FHIT: variants seen among roughly 807,000 people sequenced by gnomAD.
FHIT encodes the protein bis(5'-adenosyl)-triphosphatase.
In FHIT, 19 loss-of-function variants were observed where a neutral mutation model predicts 17.9. The observed-to-expected ratio is 1.06, with a 90% CI of 0.74 to 1.56. The LOEUF is 1.56. Ranked by LOEUF, FHIT falls within the 40% of genes most tolerant of loss-of-function variation. The probability of loss-of-function intolerance (pLI) is 0.00; values close to 1 mark genes in which losing one functional copy is unlikely to be tolerated. For synonymous variants in FHIT, 81 were observed against 69.7 expected, an observed-to-expected ratio of 1.16 and a Z score of -0.81; for missense variants, 248 against 189.2, an observed-to-expected ratio of 1.31 and a Z score of -1.82.
chr3:60,782,919 G>A (rs1031763653), intron 4 of FHIT, among the ~76,000 whole-genome samples: 10 of 152,174 alleles, frequency 6.6e-5, no homozygotes, highest in African/African-American at 1.7e-4. Flanking sequence ...CATTCATGAC[G>A]GCTCTGTCCT....
chr3:60,661,802 A>G (rs2040253697), intron 4 of FHIT, among the ~76,000 whole-genome samples: 1 of 152,174 alleles, frequency 6.6e-6, no homozygotes, highest in Admixed American at 6.5e-5. Context: ...CCTAATAATT[A>G]GTGATGTCAA....
At chr3:60,769,858 G>A (rs1401453747) in intron 4 of FHIT, among the ~76,000 whole-genome samples, 1 of 152,212 alleles carries the variant, frequency 6.6e-6, no homozygotes, top group Non-Finnish European at 1.5e-5. Context: ...AAATATAGAA[G>A]TATGGCCTTT....
In FHIT at chr3:60,182,457, G is replaced by C. The variant is rs143042955; in HGVS notation, c.104-168305C>G. Among the ~76,000 whole-genome samples the C allele has an allele frequency of 3.2e-3, 482 of 152,182 alleles. 1 individual carries two copies. Among genetic ancestry groups the C allele is most frequent in the African/African-American group, 0.011 (464 of 41,526 alleles). On this transcript the variant is annotated intron_variant, in intron 5 of 9. Transcript: ENST00000492590. The stretch of plus-strand genomic sequence containing the variant: ...GCATCTAGTCACTAGGCAAAATCTT[G>C]GTTAGTTTCCTTTCATTTTAAATTT...
chr3:60,720,336 C>A (rs2041781493), intron 4 of FHIT, among the ~76,000 whole-genome samples: 1 of 152,166 alleles, frequency 6.6e-6, no homozygotes, highest in African/African-American at 2.4e-5. Flanking sequence ...AGCAGCCAAA[C>A]ACACTGCCTG....
intron 3 of FHIT, among the ~76,000 whole-genome samples, chr3:60,936,866 G>T (rs930163266): frequency 2.0e-5 from 3 of 152,146 alleles, no homozygotes; most frequent in African/African-American, 7.2e-5. Flanking sequence ...AAAAGGAAAG[G>T]TTATTTTTCT....
At chr3:59,830,060 A>T (rs187274055) in intron 8 of FHIT, among the ~76,000 whole-genome samples, 87 of 152,246 alleles carry the variant, frequency 5.7e-4, no homozygotes, top group African/African-American at 2.0e-3. Flanking sequence ...TGGGTGACAG[A>T]GACCCTGTCT....
At chr3:59,860,628 C>T (rs1373827949) in intron 8 of FHIT, among the ~76,000 whole-genome samples, 1 of 152,158 alleles carries the variant, frequency 6.6e-6, no homozygotes, top group Non-Finnish European at 1.5e-5. Flanking sequence ...GACTGGAGAA[C>T]AGGTGCTTGG....
At chr3:59,821,383 C>G (rs778892865) in intron 8 of FHIT, among the ~76,000 whole-genome samples, 2 of 152,184 alleles carry the variant, frequency 1.3e-5, no homozygotes, top group Non-Finnish European at 2.9e-5. Flanking sequence ...TTTGGTGCCT[C>G]TTGTCAGTGT....
chr3:60,404,937 G>A (rs1192849681), intron 5 of FHIT, among the ~76,000 whole-genome samples: 1 of 152,170 alleles, frequency 6.6e-6, no homozygotes, highest in Non-Finnish European at 1.5e-5. Context: ...AAAGAAGGAT[G>A]TCCAGGTTGC....
intron 5 of FHIT, among the ~76,000 whole-genome samples, chr3:60,314,761 A>T (rs1191752164): frequency 1.3e-5 from 2 of 152,074 alleles, no homozygotes; most frequent in Non-Finnish European, 2.9e-5. Context: ...TCCCTGAGTA[A>T]GGTGGGGCCA....
chr3:59,901,591 T>G (rs7645600), intron 8 of FHIT, among the ~76,000 whole-genome samples: 8,905 of 152,234 alleles, frequency 0.058, 606 homozygotes, highest in African/African-American at 0.17. Flanking sequence ...TTCATGCTTA[T>G]TGCTTATTCG....
chr3:59,830,151 A>G (rs898821351), intron 8 of FHIT, among the ~76,000 whole-genome samples: 1 of 152,220 alleles, frequency 6.6e-6, no homozygotes, highest in Non-Finnish European at 1.5e-5. Context: ...CTGGGAAGAT[A>G]TTACCAAGAA....
chr3:59,841,205 C>G (rs1475525672), intron 8 of FHIT, among the ~76,000 whole-genome samples: 4 of 152,122 alleles, frequency 2.6e-5, no homozygotes, highest in Admixed American at 6.6e-5. Flanking sequence ...AAGATCACAG[C>G]TGTATGCTAA....
chr3:60,144,087 T>C (rs914818519), intron 5 of FHIT, among the ~76,000 whole-genome samples: 3 of 152,196 alleles, frequency 2.0e-5, no homozygotes, highest in Non-Finnish European at 4.4e-5. Context: ...ATGTGTGCTT[T>C]ATTCAAAAGA....
intron 5 of FHIT, among the ~76,000 whole-genome samples, chr3:60,523,070 G>A (rs759038246): frequency 1.5e-4 from 23 of 152,056 alleles, no homozygotes; most frequent in African/African-American, 5.1e-4. Context: ...AGCAAATCTC[G>A]TGAGACTTAT....
At chr3:60,230,517 G>A (rs1046875368) in intron 5 of FHIT, among the ~76,000 whole-genome samples, 7 of 151,870 alleles carry the variant, frequency 4.6e-5, no homozygotes, top group African/African-American at 1.2e-4. Flanking sequence ...TTTAAAAATC[G>A]CAGATAGCAT....
At chr3:60,636,060 T>TAAA (rs1553683752) in intron 4 of FHIT, among the ~76,000 whole-genome samples, 17 of 148,402 alleles carry the variant, frequency 1.1e-4, no homozygotes, top group African/African-American at 4.2e-4. Flanking sequence ...CAATTAAGCT[T>TAAA]TGTACAATGA....
intron 3 of FHIT, among the ~76,000 whole-genome samples, chr3:61,004,180 A>G (rs1253782783): frequency 6.6e-6 from 1 of 152,194 alleles, no homozygotes; most frequent in Non-Finnish European, 1.5e-5. Context: ...ATGGTGAAAC[A>G]AAAGTTCTGA....
chr3:60,611,328 T>C (rs34600947), intron 4 of FHIT, among the ~76,000 whole-genome samples: 44,925 of 152,040 alleles, frequency 0.3, 6,820 homozygotes, highest in Non-Finnish European at 0.31. Flanking sequence ...ATGGTAAAGC[T>C]AACATCGAGC....
Sources: allele counts gnomAD v4.1 joint callset (sites outside exome capture counted in the v4.1 genomes callset), GRCh38; gene constraint gnomAD v4.1.1; transcripts MANE v1.5; gene names NCBI Gene and HGNC (gene_info 2026-07-23, HGNC 2026-07-21).